CCDC144A: variants seen among roughly 807,000 people sequenced by gnomAD.
CCDC144A encodes coiled-coil domain-containing protein 144A.
CCDC144A carries 41 observed loss-of-function variants against 143.8 expected under a neutral mutation model. The observed-to-expected ratio is 0.29, with a 90% CI of 0.22 to 0.37. The LOEUF is 0.37. Ranked by LOEUF, CCDC144A falls within the 10% of genes least tolerant of loss-of-function variation. The probability of loss-of-function intolerance (pLI) is 1.00; values close to 1 mark genes in which losing one functional copy is unlikely to be tolerated. For synonymous variants in CCDC144A, 242 were observed against 517.9 expected (o/e 0.47, Z 7.23); for missense variants, 637 against 1,488.8 (o/e 0.43, Z 9.41).
the CCDC144A span, among the ~76,000 whole-genome samples, chr17:16,669,430 G>A: frequency 6.6e-6 from 1 of 152,230 alleles, no homozygotes; most frequent in Non-Finnish European, 1.5e-5. Flanking sequence ...GCAGGGCATT[G>A]ATAATGTGTA....
intron 12 of CCDC144A, among the ~76,000 whole-genome samples, chr17:16,744,720 A>G (rs1190980886): frequency 6.7e-6 from 1 of 149,578 alleles, no homozygotes; most frequent in East Asian, 1.9e-4. Context: ...CTAGGTCCCA[A>G]TTTTTCTTTC....
At position 16,717,786 on chromosome 17, in the gene CCDC144A, T is replaced by A. The variant is rs187889905; in HGVS notation, c.1716-2412T>A. Among the ~76,000 whole-genome samples the A allele has an allele frequency of 2.8e-4, 42 of 152,126 alleles. 1 individual carries two copies. The highest frequency in any genetic ancestry group is 8.9e-4 in the African/African-American group (37 of 41,530). On this transcript the variant is annotated intron_variant, in intron 6 of 16. Coordinates refer to ENST00000399273, the MANE Select transcript of CCDC144A (RefSeq NM_001382000.1). Reference sequence around the variant, plus strand: ...GGGGAAGAGTTGGAATTTTACAAAATTTTTTTTATTTGTTATCAGTAGAAT... The same window carrying A: ...GGGGAAGAGTTGGAATTTTACAAAAATTTTTTTATTTGTTATCAGTAGAAT...
At chr17:16,711,612 C>G in intron 5 of CCDC144A, 67 bp from the exon 6 acceptor site, 2 of 1,607,284 alleles carry the variant, frequency 1.2e-6, no homozygotes. Context: ...TCAATGCAAA[C>G]AGAAAAAAGT....
intron 15 of CCDC144A, chr17:16,767,264 C>A (rs1354255478): frequency 5.1e-5 from 7 of 136,456 alleles, no homozygotes; most frequent in African/African-American, 2.0e-4. Context: ...CACTGCACTG[C>A]AGCCCAGGTG....
At position 16,773,469 on chromosome 17, in the gene CCDC144A, A is replaced by G. The variant is rs888462335; in HGVS notation, c.4142-28A>G. 3.3e-6 allele frequency: 5 copies of G among 1,531,484 alleles called. No individual in the cohort carries two copies. In the African/African-American group the frequency reaches 6.9e-5, roughly 21 times the overall value. 94.9% of individuals were successfully genotyped at this position (1,531,484 alleles called of 1,614,324 possible). Reference sequence around the variant, plus strand: ...TCTTAAAATAATAACAATAATAATAATAATATAATTCTTGCTTTTTTTTTC... The same window carrying G: ...TCTTAAAATAATAACAATAATAATAGTAATATAATTCTTGCTTTTTTTTTC... On this transcript the variant is annotated intron_variant, in intron 16 of 16. Transcript: ENST00000399273.
intron 15 of CCDC144A, chr17:16,764,376 C>A (rs957321607): frequency 7.9e-7 from 1 of 1,264,216 alleles, no homozygotes; most frequent in African/African-American, 1.6e-5. Flanking sequence ...CCTTTGTTAA[C>A]TTTATTTAAT....
intron 15 of CCDC144A, chr17:16,764,693 A>G (rs1375529942): frequency 6.0e-6 from 1 of 167,310 alleles, no homozygotes; most frequent in Non-Finnish European, 1.3e-5. Context: ...CACTTGATTA[A>G]TCTGTTCTTT....
chr17:16,698,503 C>T (rs768771193), intron 2 of CCDC144A, among the ~76,000 whole-genome samples: 2 of 152,188 alleles, frequency 1.3e-5, no homozygotes, highest in Non-Finnish European at 2.9e-5. Flanking sequence ...ACTGCAGCAG[C>T]TCCCTGTACA....
In CCDC144A at chr17:16,690,769, C is replaced by T. The variant is rs373434222; in HGVS notation, c.344+25C>T. ...GGTAATGGCCAGGCGAAGGATGCGC[C>T]GTCCTGTCGGGGACACTGGCTTTCT... On this transcript the variant is annotated intron_variant, in intron 1 of 16. Transcript: ENST00000399273. 8 of 1,573,030 alleles carry T rather than the reference C, an allele frequency of 5.1e-6. No individual in the cohort carries two copies. The African/African-American group carries it at 8.2e-5, about 16-fold the overall frequency.
In CCDC144A at chr17:16,750,500, G is replaced by A. The variant is rs576607884; in HGVS notation, c.3373-10925G>A. ...AGCTGCCTGTGAGATTTTTCCTTTC[G>A]TGTTGACCTTGGAAAGTCTGATGGG... is the stretch of plus-strand genomic sequence containing the variant. On this transcript the variant is annotated intron_variant, in intron 12 of 16. Transcript: ENST00000399273. Among the ~76,000 whole-genome samples, 838 of 149,792 alleles carry A rather than the reference G, an allele frequency of 5.6e-3. 13 individuals are homozygous for A. Among genetic ancestry groups the A allele is most frequent in the African/African-American group, 0.02 (794 of 39,560 alleles).
intron 15 of CCDC144A, chr17:16,764,980 A>G (rs1377896798): frequency 2.6e-5 from 3 of 117,160 alleles, no homozygotes; most frequent in African/African-American, 1.1e-4. Context: ...AATCAGTTCT[A>G]TTCTTAATAC....
intron 12 of CCDC144A, among the ~76,000 whole-genome samples, chr17:16,737,162 C>CTTTTTTTTTTTTTTTTTTTTTTTTTTT (rs757856458): frequency 9.7e-6 from 1 of 102,666 alleles, no homozygotes; most frequent in Non-Finnish European, 1.9e-5. Context: ...AGAGTTAAAT[C>CTTTTTTTTTTTTTTTTTTTTTTTTTTT]TTTTTTTTTT....
At position 16,735,062 on chromosome 17, in the gene CCDC144A, C is replaced by G; in HGVS notation, c.2791C>G (p.Gln931Glu). Reference protein sequence around the residue: ...AAAVRDCDQSQTARDLKLDFQ... With the variant: ...AAAVRDCDQSETARDLKLDFQ... Reference sequence around the variant, plus strand: ...TGCTGTACGTGACTGTGATCAAAGTCAGACAGCAAGAGACCTAAAACTTGA... The same window carrying G: ...TGCTGTACGTGACTGTGATCAAAGTGAGACAGCAAGAGACCTAAAACTTGA... Residue 931 changes from glutamine to glutamate, a missense_variant, in exon 12 of 17, where the codon CAG becomes GAG. By Grantham distance (29) the Gln-to-Glu change is conservative. Transcript: ENST00000399273. 6.2e-7 allele frequency: 1 copy of G among 1,609,630 alleles called. No homozygotes were observed.
intron 15 of CCDC144A, among the ~76,000 whole-genome samples, chr17:16,768,812 C>T (rs1915711809): frequency 6.6e-6 from 1 of 150,894 alleles, no homozygotes; most frequent in Non-Finnish European, 1.5e-5. Context: ...TTTCTAACTA[C>T]TCCCCTCTTT....
upstream of CCDC144A, among the ~76,000 whole-genome samples, chr17:16,688,783 C>T (rs568528817): frequency 1.3e-4 from 20 of 152,070 alleles, no homozygotes; most frequent in Middle Eastern, 6.8e-3. Flanking sequence ...CCACTGCGCC[C>T]GGCCACAGAT....
chr17:16,731,186 AG>A (rs1913725185), intron 9 of CCDC144A: 1 of 152,152 alleles, frequency 6.6e-6, no homozygotes. Flanking sequence ...GAAATACTTA[AG>A]AATCAAGAAG....
upstream of CCDC144A, among the ~76,000 whole-genome samples, chr17:16,686,763 C>G (rs548748035): frequency 6.6e-6 from 1 of 151,616 alleles, no homozygotes; most frequent in South Asian, 2.1e-4. Flanking sequence ...CACACACACA[C>G]ACACACACAC....
chr17:16,689,993 C>T (rs1910946451), upstream of CCDC144A: 1 of 156,936 alleles, frequency 6.4e-6, no homozygotes, highest in Non-Finnish European at 1.4e-5. Flanking sequence ...ACCAGCCAGC[C>T]CAGGTTGGCG....
chr17:16,684,142 G>C, the CCDC144A span: 1 of 1,179,934 alleles, frequency 8.5e-7, no homozygotes, highest in South Asian at 1.2e-5. Flanking sequence ...AGAAAAATGG[G>C]TGGAAGACAA....
Sources: allele counts gnomAD v4.1 joint callset (sites outside exome capture counted in the v4.1 genomes callset), GRCh38; gene constraint gnomAD v4.1.1; transcripts MANE v1.5; gene names NCBI Gene and HGNC (gene_info 2026-07-23, HGNC 2026-07-21).